SLC36A1: variants seen among roughly 807,000 people sequenced by gnomAD.
The protein encoded by SLC36A1 is proton-coupled amino acid transporter 1.
A neutral mutation model predicts 47.5 loss-of-function variants in SLC36A1; 30 were observed. That is an observed-to-expected ratio of 0.63 (90% CI 0.47 to 0.86). SLC36A1 has a LOEUF of 0.86. Ranked by LOEUF, SLC36A1 falls within the 40% of genes least tolerant of loss-of-function variation. SLC36A1 has a pLI of 0.00. For missense variants in SLC36A1, 517 were observed against 606.0 expected, an observed-to-expected ratio of 0.85 and a Z score of 1.54; for synonymous variants, 255 against 249.7, an observed-to-expected ratio of 1.02 and a Z score of -0.20.
At chr5:151,498,462 C>T in the SLC36A1 span, among the ~76,000 whole-genome samples, 2 of 152,206 alleles carry the variant, frequency 1.3e-5, no homozygotes, top group African/African-American at 2.4e-5. Flanking sequence ...CCCCACTTTG[C>T]AAACTAGGCA....
chr5:151,506,057 G>C, the SLC36A1 span: 1 of 1,551,658 alleles, frequency 6.4e-7, no homozygotes, highest in Non-Finnish European at 8.7e-7. Flanking sequence ...GTTCGTTCCT[G>C]GAGTAAGTAG....
At chr5:151,345,304 G>T in the SLC36A1 span, among the ~76,000 whole-genome samples, 1 of 152,168 alleles carries the variant, frequency 6.6e-6, no homozygotes, top group Non-Finnish European at 1.5e-5. Flanking sequence ...AAGGAGCCCG[G>T]TCTCTGGGAT....
the SLC36A1 span, among the ~76,000 whole-genome samples, chr5:151,401,837 T>C: frequency 6.6e-6 from 1 of 152,180 alleles, no homozygotes; most frequent in Non-Finnish European, 1.5e-5. Flanking sequence ...TGTATAGAAA[T>C]GCAACTGATT....
At chr5:151,382,236 A>G in the SLC36A1 span, 2 of 1,318,746 alleles carry the variant, frequency 1.5e-6, no homozygotes, top group South Asian at 1.2e-5. Context: ...CGGGTCACTC[A>G]TCGAGACTCA....
At chr5:151,468,031 G>A in intron 7 of SLC36A1, 106 bp downstream of exon 7, 6 of 901,994 alleles carry the variant, frequency 6.7e-6, no homozygotes, top group Non-Finnish European at 5.1e-6. Flanking sequence ...GGGGGCGGGT[G>A]GATCACCTGA....
chr5:151,550,933 G>C, the SLC36A1 span: 5 of 1,501,730 alleles, frequency 3.3e-6, no homozygotes, highest in South Asian at 1.2e-5. Flanking sequence ...GACTGGGTCT[G>C]TCTGGACCTC....
chr5:151,387,103 C>G, the SLC36A1 span: 1 of 152,430 alleles, frequency 6.6e-6, no homozygotes, highest in South Asian at 2.1e-4. Context: ...CCAAGTCTAC[C>G]ATGAGGGTTC....
chr5:151,402,391 G>C, the SLC36A1 span, among the ~76,000 whole-genome samples: 1 of 152,126 alleles, frequency 6.6e-6, no homozygotes, highest in Admixed American at 6.6e-5. Flanking sequence ...TATTTGATTT[G>C]CTAGTATTTT....
intron 5 of SLC36A1, among the ~76,000 whole-genome samples, 153 bp downstream of exon 5, chr5:151,465,322 G>A (rs1756188111): frequency 6.6e-6 from 1 of 152,194 alleles, no homozygotes; most frequent in Admixed American, 6.5e-5. Flanking sequence ...GTAGTAAGCT[G>A]TGTGACCTGG....
At chr5:151,415,489 G>T in the SLC36A1 span, among the ~76,000 whole-genome samples, 1 of 151,944 alleles carries the variant, frequency 6.6e-6, no homozygotes, top group South Asian at 2.1e-4. Flanking sequence ...CTCTTCAAAG[G>T]GCTGGCTCTC....
chr5:151,383,086 A>G, the SLC36A1 span, among the ~76,000 whole-genome samples: 1 of 152,174 alleles, frequency 6.6e-6, no homozygotes, highest in Non-Finnish European at 1.5e-5. Context: ...AGAAGTAAAT[A>G]TATTCAAGTT....
chr5:151,381,071 A>G, the SLC36A1 span: 1 of 454,044 alleles, frequency 2.2e-6, no homozygotes, highest in South Asian at 2.0e-5. Flanking sequence ...GCTAGCCTTG[A>G]GGCACCAGCC....
the SLC36A1 span, chr5:151,378,540 A>G: frequency 5.3e-4 from 116 of 218,836 alleles, no homozygotes; most frequent in East Asian, 0.012. Flanking sequence ...GCCTTGCCAT[A>G]CATATCTTTT....
the SLC36A1 span, chr5:151,504,081 GAC>G: frequency 6.6e-6 from 1 of 152,068 alleles, no homozygotes; most frequent in African/African-American, 2.4e-5. Context: ...CAGGCTAAAG[GAC>G]ACAGAAAATA....
the SLC36A1 span, chr5:151,534,691 C>T: frequency 4.0e-6 from 6 of 1,514,134 alleles, no homozygotes; most frequent in Non-Finnish European, 5.5e-6. Context: ...GAAATATTAC[C>T]CAAGCATGTG....
chr5:151,377,505 T>C, the SLC36A1 span, among the ~76,000 whole-genome samples: 106 of 151,486 alleles, frequency 7.0e-4, no homozygotes, highest in African/African-American at 2.5e-3. Flanking sequence ...CGCGCCACCA[T>C]GCCCGGCTAA....
chr5:151,540,554 G>C, the SLC36A1 span: 38 of 1,593,770 alleles, frequency 2.4e-5, no homozygotes, highest in Middle Eastern at 3.6e-4. Context: ...TCCACCCCTC[G>C]CCAGGCTCTC....
rs973690778 is a variant in SLC36A1 at position 151,489,363 on chromosome 5, A to T, written c.*1109A>T. 1 of 152,644 alleles carries T rather than the reference A, an allele frequency of 6.6e-6. No individual in the cohort carries two copies. The highest frequency in any genetic ancestry group is 1.5e-5 in the Non-Finnish European group (1 of 68,068). 9.5% of individuals were successfully genotyped at this position (152,644 alleles called of 1,614,324 possible). ...AATGCTCTGTTGCCATCGTGCTGGG[A>T]CGACACCAGCTCTATTGCCACCGAT... On this transcript the variant is annotated 3_prime_UTR_variant, in exon 11 of 11. Coordinates refer to ENST00000243389, the MANE Select transcript of SLC36A1 (RefSeq NM_078483.4). The surrounding 1 kb of genome is among the most constrained non-coding windows in gnomAD (Gnocchi z 4.5).
the SLC36A1 span, chr5:151,529,138 G>A: frequency 6.3e-7 from 1 of 1,578,194 alleles, no homozygotes; most frequent in East Asian, 2.2e-5. Flanking sequence ...ACCCATCCCA[G>A]AGTTCTTGTC....
Sources: allele counts gnomAD v4.1 joint callset (sites outside exome capture counted in the v4.1 genomes callset), GRCh38; gene constraint gnomAD v4.1.1; non-coding constraint Gnocchi (gnomAD v3.1); transcripts MANE v1.5; gene names NCBI Gene and HGNC (gene_info 2026-07-23, HGNC 2026-07-21).